Variants in NOS1AP observed in about 807,000 individuals in gnomAD.
NOS1AP encodes the protein carboxyl-terminal PDZ ligand of neuronal nitric oxide synthase protein.
A neutral mutation model predicts 56.2 loss-of-function variants in NOS1AP; 21 were observed. That is an observed-to-expected ratio of 0.37 (90% CI 0.26 to 0.54). The LOEUF is 0.54. NOS1AP is among the 20% of genes least tolerant of loss of function. The pLI is 0.84. For missense variants in NOS1AP, 522 were observed against 657.8 expected (o/e 0.79, Z 2.26); for synonymous variants, 270 against 274.6 (o/e 0.98, Z 0.17).
At chr1:162,167,656 C>A (rs1484724379) in intron 2 of NOS1AP, among the ~76,000 whole-genome samples, 1 of 152,238 alleles carries the variant, frequency 6.6e-6, no homozygotes, top group African/African-American at 2.4e-5. Context: ...CTTGGGGCAG[C>A]CCTGCTATCT....
chr1:162,305,697 T>G (rs1420318659), intron 4 of NOS1AP, among the ~76,000 whole-genome samples: 2 of 152,162 alleles, frequency 1.3e-5, no homozygotes, highest in African/African-American at 4.8e-5. Flanking sequence ...GTGTAAAATG[T>G]GGAAGACATA....
intron 2 of NOS1AP, among the ~76,000 whole-genome samples, chr1:162,273,384 C>G (rs944412858): frequency 1.3e-5 from 2 of 152,120 alleles, no homozygotes; most frequent in African/African-American, 4.8e-5. Context: ...CCAGGATGGT[C>G]TCGATCTCCT....
At chr1:162,359,629 G>A (rs985520988) in intron 8 of NOS1AP, among the ~76,000 whole-genome samples, 2 of 152,108 alleles carry the variant, frequency 1.3e-5, no homozygotes, top group South Asian at 2.1e-4. Flanking sequence ...AAACAATTAC[G>A]TAAGATGTAG....
chr1:162,136,360 T>G (rs10918732), intron 1 of NOS1AP, among the ~76,000 whole-genome samples: 35,722 of 152,076 alleles, frequency 0.23, 7,816 homozygotes, highest in African/African-American at 0.59. Flanking sequence ...TCCAACTCCC[T>G]TAATCTTATC....
intron 1 of NOS1AP, among the ~76,000 whole-genome samples, chr1:162,143,007 A>G (rs1649301621): frequency 6.6e-6 from 1 of 152,190 alleles, no homozygotes; most frequent in Non-Finnish European, 1.5e-5. Context: ...TAATGACTGC[A>G]CTGCAGACCC....
At chr1:162,337,580 C>T (rs1183142874) in intron 5 of NOS1AP, among the ~76,000 whole-genome samples, 3 of 152,146 alleles carry the variant, frequency 2.0e-5, no homozygotes. Context: ...ATGAGAAAAT[C>T]AATACTGAGA....
chr1:162,167,832 G>A (rs1023703720), intron 2 of NOS1AP, among the ~76,000 whole-genome samples: 7 of 152,216 alleles, frequency 4.6e-5, no homozygotes, highest in Middle Eastern at 3.4e-3. Flanking sequence ...GAATTGCTCC[G>A]GGCATATGTT....
Position 162,197,888 on chromosome 1 carries a change from C to G in NOS1AP, c.177+43412C>G, listed in dbSNP as rs560673119. Among the ~76,000 whole-genome samples, 3 of 152,360 alleles carry G rather than the reference C, an allele frequency of 2.0e-5. No homozygotes were observed. The East Asian group carries it at 5.8e-4, about 29-fold the overall frequency. Reference sequence around the variant, plus strand: ...CACTATCCTCAGGTTAACTGGTGTTCCCCGCTGGCCTGCTGTTCAGGGCTC... The same window carrying G: ...CACTATCCTCAGGTTAACTGGTGTTGCCCGCTGGCCTGCTGTTCAGGGCTC... On this transcript the variant is annotated intron_variant, in intron 2 of 9. Coordinates refer to ENST00000361897, the MANE Select transcript of NOS1AP (RefSeq NM_014697.3).
At chr1:162,143,435 A>G (rs1308636803) in intron 1 of NOS1AP, among the ~76,000 whole-genome samples, 1 of 152,168 alleles carries the variant, frequency 6.6e-6, no homozygotes, top group Non-Finnish European at 1.5e-5. Flanking sequence ...AATACAAAGA[A>G]TATTATCTCC....
At chr1:162,187,446 C>G (rs1010582436) in intron 2 of NOS1AP, among the ~76,000 whole-genome samples, 1 of 152,172 alleles carries the variant, frequency 6.6e-6, no homozygotes, top group African/African-American at 2.4e-5. Context: ...TCTAGTTTCT[C>G]ACAGCTGTCA....
chr1:162,153,757 G>A (rs1032856767), intron 1 of NOS1AP, among the ~76,000 whole-genome samples: 1 of 152,096 alleles, frequency 6.6e-6, no homozygotes. Flanking sequence ...TGTTACAGTG[G>A]GGACTTTATT....
chr1:162,349,426 A>G (rs1472360884), intron 6 of NOS1AP, among the ~76,000 whole-genome samples: 2 of 152,182 alleles, frequency 1.3e-5, no homozygotes, highest in Non-Finnish European at 2.9e-5. Context: ...GAATGGCATG[A>G]TGGAGAGAGA....
chr1:162,115,848 T>C (rs1647926490), intron 1 of NOS1AP, among the ~76,000 whole-genome samples: 1 of 152,160 alleles, frequency 6.6e-6, no homozygotes, highest in African/African-American at 2.4e-5. Context: ...GAAACCAACT[T>C]ATTACCAAGA....
intron 2 of NOS1AP, among the ~76,000 whole-genome samples, chr1:162,270,872 G>A (rs565374491): frequency 6.6e-6 from 1 of 152,310 alleles, no homozygotes; most frequent in South Asian, 2.1e-4. Flanking sequence ...ATATCTGCCT[G>A]CATGACCTCT....
chr1:162,175,616 G>A (rs1317996303), intron 2 of NOS1AP, among the ~76,000 whole-genome samples: 1 of 152,142 alleles, frequency 6.6e-6, no homozygotes, highest in Non-Finnish European at 1.5e-5. Context: ...GATCGGAGGT[G>A]TGGGGGTGGG....
At chr1:162,181,681 TGCTTCCTGATGGCC>T (rs1225023948) in intron 2 of NOS1AP, among the ~76,000 whole-genome samples, 2 of 152,230 alleles carry the variant, frequency 1.3e-5, no homozygotes, top group Admixed American at 1.3e-4. Context: ...CTGGAGTGGA[TGCTTCCTGATGGCC>T]AGGAATGAGG....
intron 4 of NOS1AP, among the ~76,000 whole-genome samples, chr1:162,324,395 G>A (rs553099144): frequency 7.3e-6 from 1 of 136,568 alleles, no homozygotes; most frequent in Admixed American, 7.4e-5. Context: ...TTTGTGTAGT[G>A]GTTTTGTGAG....
chr1:162,162,350 G>A (rs1195189375), intron 2 of NOS1AP, among the ~76,000 whole-genome samples: 2 of 152,236 alleles, frequency 1.3e-5, no homozygotes, highest in Admixed American at 6.5e-5. Flanking sequence ...ATAGAGAGAC[G>A]AAAGTAGCAG....
chr1:162,168,915 C>A (rs1042666225), intron 2 of NOS1AP, among the ~76,000 whole-genome samples: 2 of 152,316 alleles, frequency 1.3e-5, no homozygotes, highest in East Asian at 1.9e-4. Flanking sequence ...GGCCTGAATA[C>A]CCAAACCAGG....
Sources: gnomAD v4.1 joint callset for allele counts (sites outside exome capture counted in the v4.1 genomes callset) on GRCh38, gnomAD v4.1.1 for gene constraint, MANE v1.5 for transcripts, NCBI Gene and HGNC (gene_info 2026-07-23, HGNC 2026-07-21) for gene names.